Variants in TTC39C observed in about 807,000 individuals in gnomAD.
TTC39C encodes tetratricopeptide repeat domain 39C.
Under a neutral mutation model 76.3 loss-of-function variants are expected in TTC39C, and 33 were observed. That is an observed-to-expected ratio of 0.43 (90% CI 0.33 to 0.58). The LOEUF (loss-of-function observed/expected upper bound fraction) is 0.58, where lower values mean the gene tolerates loss of function less well. Ranked by LOEUF, TTC39C falls within the 20% of genes least tolerant of loss-of-function variation. The pLI is 0.04. For missense variants in TTC39C, 595 were observed against 701.4 expected, an observed-to-expected ratio of 0.85 and a Z score of 1.71; for synonymous variants, 254 against 260.6, an observed-to-expected ratio of 0.97 and a Z score of 0.24.
At chr18:24,015,768 T>C (rs1337424057) in intron 1 of TTC39C, among the ~76,000 whole-genome samples, 2 of 152,230 alleles carry the variant, frequency 1.3e-5, no homozygotes, top group African/African-American at 4.8e-5. Flanking sequence ...GGAAAACACG[T>C]GTGTTCAGTT....
At chr18:24,122,582 G>C (rs2084983962) in intron 8 of TTC39C, among the ~76,000 whole-genome samples, 1 of 149,708 alleles carries the variant, frequency 6.7e-6, no homozygotes, top group East Asian at 2.0e-4. Flanking sequence ...AACCACATGT[G>C]ATCTAACAAA....
intron 4 of TTC39C, among the ~76,000 whole-genome samples, chr18:24,070,991 C>T (rs527549514): frequency 1.3e-5 from 2 of 151,912 alleles, no homozygotes; most frequent in East Asian, 1.9e-4. Flanking sequence ...TGCAGTGGTG[C>T]GATCTTGGTT....
intron 6 of TTC39C, among the ~76,000 whole-genome samples, chr18:24,106,486 G>GTGTGA (rs1471297468): frequency 5.7e-4 from 87 of 152,300 alleles, no homozygotes; most frequent in African/African-American, 2.1e-3. Context: ...GTGCTGGGGT[G>GTGTGA]TGTGATGTGC....
At chr18:24,023,965 TATATATATATATATA>T (rs1568408843) in intron 1 of TTC39C, among the ~76,000 whole-genome samples, 147 of 10,518 alleles carry the variant, frequency 0.014, 2 homozygotes, top group South Asian at 0.043. Flanking sequence ...TATATATATA[TATATATATATATATA>T]CATATATATA....
chr18:24,012,371 A>G (rs1599231503), upstream of TTC39C, among the ~76,000 whole-genome samples: 2 of 152,034 alleles, frequency 1.3e-5, no homozygotes, highest in East Asian at 3.9e-4. Context: ...TCCTTGCCTT[A>G]ATTGTTCAAC....
rs1328751311 is a variant in TTC39C at position 24,014,797 on chromosome 18, G to T, written c.-75G>T. The T allele has an allele frequency of 8.6e-7, 1 of 1,168,654 alleles. No homozygotes were observed. The highest frequency in any genetic ancestry group is 1.1e-6 in the Non-Finnish European group (1 of 943,920). 72.4% of individuals were successfully genotyped at this position (1,168,654 alleles called of 1,614,324 possible). The stretch of plus-strand genomic sequence containing the variant: ...CGCTTGGCTCCGGGCAGGTAGAGCC[G>T]GGCTCCGGGCGCGCGCGGGGCCGCA... On this transcript the variant is annotated 5_prime_UTR_variant, in exon 1 of 14. Coordinates refer to ENST00000317571, the MANE Select transcript of TTC39C (RefSeq NM_001135993.2).
intron 6 of TTC39C, among the ~76,000 whole-genome samples, chr18:24,103,174 T>G (rs1441977497): frequency 1.3e-5 from 2 of 152,200 alleles, no homozygotes; most frequent in Non-Finnish European, 2.9e-5. Context: ...TCCAACTGCC[T>G]CATTCTGTCT....
chr18:24,019,994 G>T, intron 1 of TTC39C: 1 of 1,451,638 alleles, frequency 6.9e-7, no homozygotes, highest in Non-Finnish European at 9.0e-7. Context: ...GGGAGGACTG[G>T]AAGGACTTGC....
chr18:24,123,709 T>G, intron 8 of TTC39C, 125 bp from the exon 9 acceptor site: 8 of 645,968 alleles, frequency 1.2e-5, no homozygotes, highest in Non-Finnish European at 1.5e-5. Flanking sequence ...GTCCAGCCCA[T>G]TGTGGAATAG....
In TTC39C at chr18:24,096,448, G is replaced by T. The variant is rs140220203; in HGVS notation, c.984+13367G>T. Among the ~76,000 whole-genome samples the T allele has an allele frequency of 4.0e-3, 613 of 152,254 alleles. 8 individuals are homozygous for T. Among genetic ancestry groups the T allele is most frequent in the Non-Finnish European group, 3.6e-3 (247 of 68,016 alleles). On this transcript the variant is annotated intron_variant, in intron 6 of 13. Transcript: ENST00000317571. ...GACATATTCACATTGTTGTTATAAT[G>T]ATAGACTCATTTCTCCAGAAATGAA...
chr18:24,048,239 G>A (rs1333018797), intron 1 of TTC39C, among the ~76,000 whole-genome samples: 1 of 152,208 alleles, frequency 6.6e-6, no homozygotes, highest in Non-Finnish European at 1.5e-5. Flanking sequence ...CAGCGAATTT[G>A]GAAAACGCAT....
In TTC39C at chr18:24,014,888, A is replaced by G. The variant is rs371876007; in HGVS notation, c.17A>G (p.Gln6Arg). 1 of 1,476,842 alleles carries G rather than the reference A, an allele frequency of 6.8e-7. No individual in the cohort carries two copies. 91.5% of individuals were successfully genotyped at this position (1,476,842 alleles called of 1,614,324 possible). A position where few individuals can be genotyped will look rare whatever the true frequency, so the allele number is the denominator to read the frequency against. ...CGCACGCCCATGGCCGGCTCGGAGC[A>G]GCAGCGGCCGCGGCGGCGGGACGAC... MAGSE[Q>R]QRPRRRDDGD... is the part of the protein sequence containing the mutation. Residue 6 changes from glutamine to arginine, a missense_variant, in exon 1 of 14, where the codon CAG (glutamine) becomes CGG (arginine). By Grantham distance (43) the Gln-to-Arg change is conservative. Transcript: ENST00000317571.
intron 1 of TTC39C, among the ~76,000 whole-genome samples, chr18:24,040,214 C>T (rs2083775953): frequency 6.6e-6 from 1 of 152,142 alleles, no homozygotes; most frequent in Admixed American, 6.6e-5. Context: ...CATTTTATTA[C>T]TTTTGATGTG....
rs1555776831 is a variant in TTC39C, at chr18:24,107,895, G to GA, written c.985-6659_985-6658insA. The stretch of plus-strand genomic sequence containing the variant: ...CACCACAGCCTCCCAAGTAGGGGGG[G>GA]GGGTACAGGCATGTGCCACCAAGCC... On this transcript the variant is annotated intron_variant, in intron 6 of 13. Transcript: ENST00000317571. 3.9e-3 allele frequency among the ~76,000 whole-genome samples: 594 copies of GA among 151,304 alleles called. 1 individual carries two copies. Among genetic ancestry groups the GA allele is most frequent in the African/African-American group, 0.013 (544 of 41,288 alleles).
At chr18:24,114,500 T>G in intron 6 of TTC39C, 54 bp from the exon 7 acceptor site, 1 of 1,283,656 alleles carries the variant, frequency 7.8e-7, no homozygotes, top group Admixed American at 1.7e-5. Flanking sequence ...TTATGATGAT[T>G]GTAATGTTAT....
intron 6 of TTC39C, among the ~76,000 whole-genome samples, chr18:24,101,114 A>T (rs117755936): frequency 0.13 from 19,247 of 152,026 alleles, 1,489 homozygotes; most frequent in East Asian, 0.17. Flanking sequence ...TAGGCTAGAT[A>T]ATTTGTGAGA....
intron 1 of TTC39C, among the ~76,000 whole-genome samples, chr18:24,038,526 G>T: frequency 6.6e-6 from 1 of 152,016 alleles, no homozygotes; most frequent in East Asian, 1.9e-4. Flanking sequence ...CAAGCAATCC[G>T]TCCGCCTTGG....
In TTC39C at chr18:24,014,813, C is replaced by A. The variant is rs1318960613; in HGVS notation, c.-59C>A. The A allele has an allele frequency of 2.9e-5, 35 of 1,202,158 alleles. No homozygotes were observed. Among genetic ancestry groups the A allele is most frequent in the Non-Finnish European group, 3.6e-5 (35 of 963,006 alleles). The allele number at this position is 1,202,158 out of a possible 1,614,324, so 74.5% of individuals were successfully genotyped here. A position where few individuals can be genotyped will look rare whatever the true frequency, so the allele number is the denominator to read the frequency against. ...GGTAGAGCCGGGCTCCGGGCGCGCG[C>A]GGGGCCGCAGCAGCTGCTCCCGATC... On this transcript the variant is annotated 5_prime_UTR_variant, in exon 1 of 14. Transcript: ENST00000317571.
At chr18:24,008,277 A>C (rs1197628709) in intron 1 of TTC39C, among the ~76,000 whole-genome samples, 5 of 152,240 alleles carry the variant, frequency 3.3e-5, no homozygotes, top group Non-Finnish European at 7.3e-5. Flanking sequence ...ATCCACTCTG[A>C]GAAGCAAATG....
Sources: allele counts gnomAD v4.1 joint callset (sites outside exome capture counted in the v4.1 genomes callset), GRCh38; gene constraint gnomAD v4.1.1; transcripts MANE v1.5; gene names NCBI Gene and HGNC (gene_info 2026-07-23, HGNC 2026-07-21).